RBM47: variants seen among roughly 807,000 people sequenced by gnomAD.
RBM47 encodes the protein RNA binding motif protein 47.
A neutral mutation model predicts 47.1 loss-of-function variants in RBM47; 21 were observed. The ratio of observed to expected loss-of-function variants is 0.45; its 90% confidence interval spans 0.32 to 0.64. The LOEUF (loss-of-function observed/expected upper bound fraction) is 0.64, where lower values mean the gene tolerates loss of function less well. Among genes scored for constraint, RBM47 ranks in the 30% least tolerant of loss-of-function variants. The probability of loss-of-function intolerance (pLI) is 0.05; values close to 1 mark genes in which losing one functional copy is unlikely to be tolerated. For missense variants in RBM47, 708 were observed against 870.9 expected (o/e 0.81, Z 2.35); for synonymous variants, 375 against 361.7 (o/e 1.04, Z -0.42).
chr4:40,546,235 C>T (rs1291925441), intron 1 of RBM47, among the ~76,000 whole-genome samples: 2 of 152,012 alleles, frequency 1.3e-5, no homozygotes, highest in Non-Finnish European at 1.5e-5. Flanking sequence ...ACTGCAACCT[C>T]CGCCTCCCGG....
chr4:40,536,445 AC>A (rs1727989310), intron 2 of RBM47, among the ~76,000 whole-genome samples: 1 of 152,190 alleles, frequency 6.6e-6, no homozygotes, highest in Admixed American at 6.6e-5. Flanking sequence ...CGGCTTCATA[AC>A]CTTGGAGTAT....
At chr4:40,469,664 T>C (rs1186902754) in intron 2 of RBM47, among the ~76,000 whole-genome samples, 1 of 150,902 alleles carries the variant, frequency 6.6e-6, no homozygotes, top group African/African-American at 2.4e-5. Context: ...TTCTGGAAAG[T>C]CAGATTTTTC....
chr4:40,436,543 G>T lies in RBM47; in HGVS notation c.1228C>A (p.Arg410=). 1 of 1,614,056 alleles carries T rather than the reference G, an allele frequency of 6.2e-7. No homozygotes were observed. Among genetic ancestry groups the T allele is most frequent in the Non-Finnish European group, 8.5e-7 (1 of 1,180,004 alleles). The part of the protein sequence containing the change: ...GYSAGRGIYS[R]YHEGKGKQQE... ...TGCTTTCCTTTCCCTTCATGATATC[G>T]GCTATATATACCACGACCAGCAGAA... The change falls in exon 5 of 7, where the codon CGA becomes AGA. Residue 410 remains arginine, a synonymous_variant. Coordinates refer to ENST00000295971, the MANE Select transcript of RBM47 (RefSeq NM_001098634.2).
intron 1 of RBM47, among the ~76,000 whole-genome samples, chr4:40,548,910 C>T (rs1350523481): frequency 6.6e-6 from 1 of 152,144 alleles, no homozygotes; most frequent in Non-Finnish European, 1.5e-5. Flanking sequence ...AAGTGATCCG[C>T]CCAACTTGGC....
chr4:40,621,496 CA>C (rs1390168288), intron 1 of RBM47, among the ~76,000 whole-genome samples: 1 of 152,138 alleles, frequency 6.6e-6, no homozygotes, highest in African/African-American at 2.4e-5. Context: ...CATGCCAGGT[CA>C]AGACAAAAAT....
chr4:40,545,198 T>G (rs1372675543), intron 1 of RBM47, among the ~76,000 whole-genome samples: 1 of 149,374 alleles, frequency 6.7e-6, no homozygotes, highest in African/African-American at 2.5e-5. Flanking sequence ...ATTACAGGCA[T>G]GCCCCACCAT....
intron 1 of RBM47, among the ~76,000 whole-genome samples, chr4:40,547,838 T>C (rs548858849): frequency 6.6e-6 from 1 of 152,354 alleles, no homozygotes; most frequent in Non-Finnish European, 1.5e-5. Flanking sequence ...CATTACAGTA[T>C]GATATTTAAA....
chr4:40,609,638 TC>T (rs1736076195), intron 1 of RBM47, among the ~76,000 whole-genome samples: 1 of 152,010 alleles, frequency 6.6e-6, no homozygotes, highest in Non-Finnish European at 1.5e-5. Context: ...TTTTTTAGCT[TC>T]CATTTTTCTC....
chr4:40,612,254 G>A (rs569639895), intron 1 of RBM47, among the ~76,000 whole-genome samples: 8 of 152,302 alleles, frequency 5.3e-5, no homozygotes, highest in African/African-American at 1.4e-4. Context: ...TTAGATGGCC[G>A]GGTGCAGTGG....
At chr4:40,430,770 C>T (rs1004056014) in intron 6 of RBM47, among the ~76,000 whole-genome samples, 1 of 152,132 alleles carries the variant, frequency 6.6e-6, no homozygotes, top group African/African-American at 2.4e-5. Flanking sequence ...TTGGAATCTT[C>T]AGGGATTAGA....
chr4:40,570,999 T>C (rs933796731), intron 1 of RBM47, among the ~76,000 whole-genome samples: 1 of 152,058 alleles, frequency 6.6e-6, no homozygotes, highest in Non-Finnish European at 1.5e-5. Flanking sequence ...GTGGATCACC[T>C]GAGGTCAGGA....
chr4:40,481,436 C>A (rs1369117208), intron 2 of RBM47, among the ~76,000 whole-genome samples: 1 of 140,902 alleles, frequency 7.1e-6, no homozygotes, highest in Non-Finnish European at 1.5e-5. Context: ...CCATTCCCTG[C>A]TAATTTTTGT....
At chr4:40,569,625 G>A (rs576237673) in intron 1 of RBM47, among the ~76,000 whole-genome samples, 3 of 151,816 alleles carry the variant, frequency 2.0e-5, no homozygotes, top group East Asian at 3.9e-4. Context: ...TAGCCAGGAC[G>A]GTCTCTATCT....
rs767623946 is a variant in RBM47, at chr4:40,438,938, A to G, written c.-31-14T>C. 3 of 1,483,706 alleles carry G rather than the reference A, an allele frequency of 2.0e-6. No homozygotes were observed. The highest frequency in any genetic ancestry group is 2.7e-6 in the Non-Finnish European group (3 of 1,118,632). 91.9% of individuals were successfully genotyped at this position (1,483,706 alleles called of 1,614,324 possible). ...GCTGGCGGAAACCTGGGGAAGCAGAAAGAAGCGTGAGTGGGGAACCGCTGG... is the reference window on the plus strand; with the variant it reads ...GCTGGCGGAAACCTGGGGAAGCAGAGAGAAGCGTGAGTGGGGAACCGCTGG... On this transcript the variant is annotated splice_polypyrimidine_tract_variant and intron_variant, in intron 3 of 6. Transcript: ENST00000295971.
intron 2 of RBM47, among the ~76,000 whole-genome samples, chr4:40,538,305 T>C (rs1728171326): frequency 1.3e-5 from 2 of 150,790 alleles, no homozygotes; most frequent in Non-Finnish European, 2.9e-5. Flanking sequence ...ATATGTGAGG[T>C]AGGATGCTCT....
chr4:40,468,952 C>T (rs1718447481), intron 2 of RBM47, among the ~76,000 whole-genome samples: 2 of 152,224 alleles, frequency 1.3e-5, no homozygotes, highest in South Asian at 4.1e-4. Flanking sequence ...TAATTGTACA[C>T]TGTCTGGACA....
At chr4:40,439,888 T>C (rs1350982162) in intron 3 of RBM47, among the ~76,000 whole-genome samples, 3 of 152,184 alleles carry the variant, frequency 2.0e-5, no homozygotes, top group Non-Finnish European at 2.9e-5. Flanking sequence ...GCAATCGAAT[T>C]TTCTATGATG....
At chr4:40,457,385 T>C (rs1716433791) in intron 3 of RBM47, among the ~76,000 whole-genome samples, 1 of 141,954 alleles carries the variant, frequency 7.0e-6, no homozygotes, top group Non-Finnish European at 1.5e-5. Context: ...ATAGTGCCAC[T>C]GCACTCCAGC....
At chr4:40,458,701 T>A (rs1186530192) in intron 3 of RBM47, among the ~76,000 whole-genome samples, 2 of 152,216 alleles carry the variant, frequency 1.3e-5, no homozygotes, top group Non-Finnish European at 2.9e-5. Context: ...GTGTTCTTTT[T>A]ATTCATTGCA....
Sources: allele counts gnomAD v4.1 joint callset (sites outside exome capture counted in the v4.1 genomes callset), GRCh38; gene constraint gnomAD v4.1.1; transcripts MANE v1.5; gene names NCBI Gene and HGNC (gene_info 2026-07-23, HGNC 2026-07-21).